The following KLHL3 variants were observed in gnomAD, a reference collection of about 807,000 sequenced individuals.
KLHL3 encodes the protein kelch like family member 3.
Under a neutral mutation model 70.5 loss-of-function variants are expected in KLHL3, and 19 were observed. That is an observed-to-expected ratio of 0.27 (90% confidence interval 0.19 to 0.40). The LOEUF is 0.40. KLHL3 is among the 10% of genes least tolerant of loss of function. The pLI is 1.00. For missense variants in KLHL3, 512 were observed against 771.1 expected, an observed-to-expected ratio of 0.66 and a Z score of 3.98; for synonymous variants, 258 against 290.3, an observed-to-expected ratio of 0.89 and a Z score of 1.13.
chr5:137,706,432 A>C (rs751699812), intron 3 of KLHL3: 30 of 963,588 alleles, frequency 3.1e-5, no homozygotes, highest in Non-Finnish European at 3.7e-5. Flanking sequence ...AAAATATATA[A>C]ATCTTAGATA....
rs1291863918 is a variant in KLHL3, at chr5:137,661,861, T to C, written c.753+54A>G. On this transcript the variant is annotated intron_variant, in intron 7 of 14. Transcript: ENST00000309755. ...ATCCAACCAGGATTGCCCATTGCTATTCCTACAGGTCTGGGTGAACACAGA... is the reference window on the plus strand; with the variant it reads ...ATCCAACCAGGATTGCCCATTGCTACTCCTACAGGTCTGGGTGAACACAGA... The C allele has an allele frequency of 4.0e-6, 4 of 997,938 alleles. No individual in the cohort carries two copies. In the East Asian group the frequency reaches 7.1e-5, roughly 18 times the overall value. The allele number at this position is 997,938 out of a possible 1,614,324, so 61.8% of individuals were successfully genotyped here. A position where few individuals can be genotyped will look rare whatever the true frequency, so the allele number is the denominator to read the frequency against.
chr5:137,687,091 C>T (rs1419877923), intron 5 of KLHL3, among the ~76,000 whole-genome samples: 49 of 80,922 alleles, frequency 6.1e-4, no homozygotes, highest in African/African-American at 1.1e-3. Context: ...GCCCCCCGCC[C>T]GGCCAGCCGC....
chr5:137,712,359 A>T (rs1189716043), intron 2 of KLHL3, among the ~76,000 whole-genome samples: 1 of 152,148 alleles, frequency 6.6e-6, no homozygotes, highest in East Asian at 1.9e-4. Context: ...AACACAAGGG[A>T]ATGAAGAATA....
At chr5:137,647,510 G>A (rs1438199903) in intron 8 of KLHL3, 13 of 471,024 alleles carry the variant, frequency 2.8e-5, no homozygotes, top group East Asian at 6.9e-5. Flanking sequence ...TTTTTTCATC[G>A]GGCAAGAGTA....
chr5:137,659,545 C>T (rs981913940), intron 7 of KLHL3, among the ~76,000 whole-genome samples: 4 of 152,140 alleles, frequency 2.6e-5, no homozygotes, highest in African/African-American at 9.7e-5. Context: ...ACTGAGCCAG[C>T]TTGAGACAAA....
At chr5:137,713,153 C>CAAA (rs958291877) in intron 2 of KLHL3, among the ~76,000 whole-genome samples, 50 of 38,212 alleles carry the variant, frequency 1.3e-3, no homozygotes, top group African/African-American at 2.1e-3. Flanking sequence ...GAATAACCAG[C>CAAA]AAAAAAAAAA....
intron 3 of KLHL3, 35 bp from the exon 4 acceptor site, chr5:137,698,443 G>A (rs746430429): frequency 6.2e-6 from 10 of 1,612,646 alleles, no homozygotes; most frequent in Middle Eastern, 1.6e-4. Flanking sequence ...TGACATAAAT[G>A]TGGTACCTGG....
At chr5:137,640,936 A>G (rs1162377506) in intron 8 of KLHL3, among the ~76,000 whole-genome samples, 1 of 152,210 alleles carries the variant, frequency 6.6e-6, no homozygotes, top group Admixed American at 6.5e-5. Flanking sequence ...ATACACACTT[A>G]CATGTGTCTT....
At chr5:137,730,216 G>C (rs1438597114) in intron 1 of KLHL3, among the ~76,000 whole-genome samples, 1 of 152,134 alleles carries the variant, frequency 6.6e-6, no homozygotes, top group Non-Finnish European at 1.5e-5. Flanking sequence ...CTGACTCCAA[G>C]GCCTGGGCTT....
intron 5 of KLHL3, among the ~76,000 whole-genome samples, chr5:137,681,483 A>G (rs1274998165): frequency 6.6e-6 from 1 of 152,202 alleles, no homozygotes; most frequent in Non-Finnish European, 1.5e-5. Context: ...GAACAGTAAT[A>G]GTGAAGTCTA....
chr5:137,704,856 G>C (rs970371483), intron 3 of KLHL3, among the ~76,000 whole-genome samples: 4 of 152,188 alleles, frequency 2.6e-5, no homozygotes, highest in African/African-American at 7.2e-5. Flanking sequence ...GCCAGAAAAA[G>C]ATGCCTGACT....
intron 8 of KLHL3, chr5:137,647,609 G>C (rs748177647): frequency 4.2e-6 from 2 of 472,492 alleles, no homozygotes; most frequent in Non-Finnish European, 8.8e-6. Context: ...GGCAGGAAGC[G>C]AGAGTCTCTC....
At chr5:137,674,476 T>C (rs187547214) in intron 6 of KLHL3, among the ~76,000 whole-genome samples, 3 of 152,358 alleles carry the variant, frequency 2.0e-5, no homozygotes, top group Admixed American at 1.3e-4. Context: ...TTACTTACAC[T>C]CATCATTAAT....
chr5:137,731,027 G>GAA (rs35709180), intron 1 of KLHL3, among the ~76,000 whole-genome samples: 58 of 145,310 alleles, frequency 4.0e-4, no homozygotes, highest in African/African-American at 6.6e-4. Context: ...TCCAGAAATT[G>GAA]AAAAAAAAAA....
At chr5:137,676,481 A>C (rs1295237540) in intron 6 of KLHL3, among the ~76,000 whole-genome samples, 1 of 152,220 alleles carries the variant, frequency 6.6e-6, no homozygotes, top group Non-Finnish European at 1.5e-5. Flanking sequence ...GAGGAGGATC[A>C]GCTCAGAACT....
In KLHL3 at chr5:137,694,518, C is replaced by T. The variant is rs149070944; in HGVS notation, c.364-2071G>A. Reference sequence around the variant, plus strand: ...AACCTGTGAGCTTGCTCAGCCCGGCCGAACAGATTCCAGGACCAGATTAGT... The same window carrying T: ...AACCTGTGAGCTTGCTCAGCCCGGCTGAACAGATTCCAGGACCAGATTAGT... On this transcript the variant is annotated intron_variant, in intron 4 of 14. Coordinates refer to ENST00000309755, the MANE Select transcript of KLHL3 (RefSeq NM_017415.3). Among the ~76,000 whole-genome samples, 111 of 152,190 alleles carry T rather than the reference C, an allele frequency of 7.3e-4. No homozygotes were observed. In the Middle Eastern group the frequency reaches 0.017, roughly 23 times the overall value.
intron 6 of KLHL3, among the ~76,000 whole-genome samples, chr5:137,666,402 G>A (rs572719850): frequency 1.3e-5 from 2 of 152,294 alleles, no homozygotes; most frequent in Admixed American, 1.3e-4. Context: ...CCTATGCAGA[G>A]TGAGAAGTGT....
chr5:137,630,731 T>C (rs935513130), intron 12 of KLHL3, among the ~76,000 whole-genome samples: 3 of 152,076 alleles, frequency 2.0e-5, no homozygotes, highest in African/African-American at 7.2e-5. Flanking sequence ...TATAAGGAAT[T>C]AGAGGCCAGA....
intron 3 of KLHL3, chr5:137,705,964 G>A (rs1752677034): frequency 1.0e-6 from 1 of 975,502 alleles, no homozygotes; most frequent in Non-Finnish European, 1.2e-6. Flanking sequence ...GCTGAAAGCA[G>A]TAAAGGGCAA....
Sources: allele counts gnomAD v4.1 joint callset (sites outside exome capture counted in the v4.1 genomes callset), GRCh38; gene constraint gnomAD v4.1.1; transcripts MANE v1.5; gene names NCBI Gene and HGNC (gene_info 2026-07-23, HGNC 2026-07-21).